MTF2: variants seen among roughly 807,000 people sequenced by gnomAD.
The protein encoded by MTF2 is metal response element binding transcription factor 2.
A neutral mutation model predicts 79.5 loss-of-function variants in MTF2; 11 were observed. That is an observed-to-expected ratio of 0.14 (90% confidence interval 0.09 to 0.23). The LOEUF (loss-of-function observed/expected upper bound fraction) is 0.23, where lower values mean the gene tolerates loss of function less well. MTF2 is among the 10% of genes least tolerant of loss of function. The pLI is 1.00. For missense variants in MTF2, 486 were observed against 711.2 expected, an observed-to-expected ratio of 0.68 and a Z score of 3.60; for synonymous variants, 208 against 232.8, an observed-to-expected ratio of 0.89 and a Z score of 0.97.
At chr1:93,106,536 T>G (rs368840811) in intron 1 of MTF2, among the ~76,000 whole-genome samples, 1 of 86,038 alleles carries the variant, frequency 1.2e-5, no homozygotes, top group Non-Finnish European at 2.4e-5. Flanking sequence ...TTTTTTTTTT[T>G]GAGACAGACT....
chr1:93,114,812 A>G, intron 4 of MTF2, 29 bp downstream of exon 4: 2 of 1,517,988 alleles, frequency 1.3e-6, no homozygotes, highest in Non-Finnish European at 1.8e-6. Context: ...TAATCTTGTT[A>G]CATACTGAAT....
chr1:93,082,446 A>G (rs531332051), intron 1 of MTF2, among the ~76,000 whole-genome samples: 3 of 151,844 alleles, frequency 2.0e-5, no homozygotes, highest in Admixed American at 1.3e-4. Flanking sequence ...ACACCTGGCT[A>G]ATTTTTAAAT....
At chr1:93,099,770 G>A (rs1037974475) in intron 1 of MTF2, among the ~76,000 whole-genome samples, 1 of 152,136 alleles carries the variant, frequency 6.6e-6, no homozygotes. Flanking sequence ...ACAGGAACAT[G>A]GAGAGCTTTA....
chr1:93,107,969 A>T (rs1482240607), intron 1 of MTF2, among the ~76,000 whole-genome samples: 1 of 151,874 alleles, frequency 6.6e-6, no homozygotes, highest in Non-Finnish European at 1.5e-5. Flanking sequence ...TAATTTTTTT[A>T]GAGACATTCT....
intron 9 of MTF2, among the ~76,000 whole-genome samples, chr1:93,126,089 C>T (rs1282260258): frequency 6.6e-6 from 1 of 151,718 alleles, no homozygotes; most frequent in Non-Finnish European, 1.5e-5. Flanking sequence ...ATCATTAGAC[C>T]CTTCAGAAAT....
At chr1:93,132,010 G>T (rs1321706220) in intron 11 of MTF2, among the ~76,000 whole-genome samples, 1 of 151,440 alleles carries the variant, frequency 6.6e-6, no homozygotes, top group Admixed American at 6.6e-5. Flanking sequence ...GGGAATTTAA[G>T]GGTCAATTAA....
chr1:93,114,534 G>A (rs896171203), intron 3 of MTF2, among the ~76,000 whole-genome samples, 154 bp from the exon 4 acceptor site: 1 of 152,254 alleles, frequency 6.6e-6, no homozygotes, highest in East Asian at 1.9e-4. Context: ...AACACAGAGA[G>A]CAGAGAGATA....
chr1:93,108,968 G>A (rs569666417), intron 1 of MTF2, among the ~76,000 whole-genome samples: 4 of 152,206 alleles, frequency 2.6e-5, no homozygotes, highest in African/African-American at 7.2e-5. Context: ...AGGTTCATCC[G>A]TGTTTGAGCA....
chr1:93,114,693 A>T lies in MTF2; in HGVS notation c.292A>T (p.Thr98Ser). The change falls in exon 4 of 15, where the codon ACT becomes TCT. Residue 98 changes from threonine (T) to serine (S), a missense_variant. By Grantham distance (58) the Thr-to-Ser change is moderately conservative (BLOSUM62 1). Around this residue, in one of 4 missense-constraint regions of MTF2, gnomAD observed 177 missense variants for 364.0 expected, o/e 0.49. Coordinates refer to ENST00000370298, the MANE Select transcript of MTF2 (RefSeq NM_007358.4). ...VLWKDIQTGA[T>S]GSGEMVCTIC... ...ATGTGTTTTAAATATTTTAGGAGCC[A>T]CTGGAAGTGGGGAAATGGTCTGTAC... 1 of 1,597,916 alleles carries T rather than the reference A, an allele frequency of 6.3e-7. No individual in the cohort carries two copies. Among genetic ancestry groups the T allele is most frequent in the Non-Finnish European group, 8.5e-7 (1 of 1,175,110 alleles).
In MTF2 at chr1:93,129,428, C is replaced by G. The variant is rs777302045; in HGVS notation, c.1140C>G (p.Ser380=). 2 of 1,551,294 alleles carry G rather than the reference C, an allele frequency of 1.3e-6. No homozygotes were observed. Among genetic ancestry groups the G allele is most frequent in the Non-Finnish European group, 1.8e-6 (2 of 1,141,572 alleles). ...HEFKIKGRKA[S]KPISDSREVS... is the part of the protein sequence containing the mutation. Reference sequence around the variant, plus strand: ...TTAAAATTAAAGGCAGAAAGGCATCCAAACCTATATCTGATTCAAGGTAAA... The same window carrying G: ...TTAAAATTAAAGGCAGAAAGGCATCGAAACCTATATCTGATTCAAGGTAAA... Residue 380 remains serine (S), a synonymous_variant, in exon 11 of 15, where the codon TCC becomes TCG. Transcript: ENST00000370298.
At chr1:93,111,010 T>A (rs1213103211) in intron 3 of MTF2, among the ~76,000 whole-genome samples, 1 of 152,200 alleles carries the variant, frequency 6.6e-6, no homozygotes, top group African/African-American at 2.4e-5. Flanking sequence ...CATATAAAAC[T>A]GATTTAGAAT....
At chr1:93,129,207 A>G (rs1656823241) in intron 10 of MTF2, 71 bp from the exon 11 acceptor site, 1 of 1,107,786 alleles carries the variant, frequency 9.0e-7, no homozygotes, top group Non-Finnish European at 1.2e-6. Flanking sequence ...TATATATGAA[A>G]GTTAAGTTAG....
At chr1:93,116,861 TGAG>T (rs1656268855) in intron 6 of MTF2, among the ~76,000 whole-genome samples, 1 of 151,908 alleles carries the variant, frequency 6.6e-6, no homozygotes, top group African/African-American at 2.4e-5. Context: ...ATAGGAAGCT[TGAG>T]GAGAGGGAGA....
chr1:93,137,079 T>A lies in MTF2; in HGVS notation c.*52T>A. 1 of 1,491,228 alleles carries A rather than the reference T, an allele frequency of 6.7e-7. No individual in the cohort carries two copies. Among genetic ancestry groups the A allele is most frequent in the Non-Finnish European group, 9.2e-7 (1 of 1,089,300 alleles). The allele number at this position is 1,491,228 out of a possible 1,614,324, so 92.4% of individuals were successfully genotyped here. A position where few individuals can be genotyped will look rare whatever the true frequency, so the allele number is the denominator to read the frequency against. The stretch of plus-strand genomic sequence containing the variant: ...GCACTCTGATTTTCTGTAGGTACAG[T>A]TCAAAGCCCTAAAGGAGTCTGGCTT... On this transcript the variant is annotated 3_prime_UTR_variant, in exon 15 of 15. Transcript: ENST00000370298.
chr1:93,096,731 C>G (rs1168004576), intron 1 of MTF2, among the ~76,000 whole-genome samples: 1 of 151,520 alleles, frequency 6.6e-6, no homozygotes, highest in Non-Finnish European at 1.5e-5. Context: ...TGTTCAACTT[C>G]AAATACTTAT....
intron 4 of MTF2, 53 bp downstream of exon 4, chr1:93,114,836 A>T: frequency 7.0e-7 from 1 of 1,420,224 alleles, no homozygotes; most frequent in Non-Finnish European, 9.7e-7. Flanking sequence ...TATGTTGAAG[A>T]TTAATGACTA....
At chr1:93,121,268 C>G (rs1392401889) in intron 9 of MTF2, 2 of 927,418 alleles carry the variant, frequency 2.2e-6, no homozygotes, top group East Asian at 2.3e-4. Context: ...AATGTGTGTT[C>G]ATTAAAGAAA....
intron 1 of MTF2, among the ~76,000 whole-genome samples, chr1:93,095,211 A>C (rs1001192157): frequency 1.3e-5 from 2 of 152,066 alleles, no homozygotes; most frequent in African/African-American, 4.8e-5. Context: ...GTAATTAAAA[A>C]AATTTTTTTT....
intron 1 of MTF2, among the ~76,000 whole-genome samples, chr1:93,083,179 A>G (rs1404174331): frequency 6.6e-6 from 1 of 152,130 alleles, no homozygotes; most frequent in East Asian, 1.9e-4. Flanking sequence ...AGGATTAGAG[A>G]TGGGGGCGGC....
Sources: gnomAD v4.1 joint callset for allele counts (sites outside exome capture counted in the v4.1 genomes callset) on GRCh38, gnomAD v4.1.1 for gene constraint, gnomAD v4.1.1 regional missense constraint, MANE v1.5 for transcripts, NCBI Gene and HGNC (gene_info 2026-07-23, HGNC 2026-07-21) for gene names.